HSD17B3: variants seen among roughly 807,000 people sequenced by gnomAD.
The protein encoded by HSD17B3 is 17-beta-hydroxysteroid dehydrogenase type 3.
In HSD17B3, 29 loss-of-function variants were observed where a neutral mutation model predicts 41.1. The ratio of observed to expected loss-of-function variants is 0.71; its 90% CI spans 0.53 to 0.96. The LOEUF is 0.96. HSD17B3 is among the 40% of genes least tolerant of loss of function. The probability of loss-of-function intolerance (pLI) is 0.00; values close to 1 mark genes in which losing one functional copy is unlikely to be tolerated. For missense variants in HSD17B3, 323 were observed against 374.6 expected (o/e 0.86, Z 1.14); for synonymous variants, 126 against 145.6 (o/e 0.87, Z 0.97).
intron 7 of HSD17B3, 28 bp downstream of exon 7, chr9:96,246,528 C>T (rs1268506668): frequency 3.1e-6 from 5 of 1,611,848 alleles, no homozygotes; most frequent in Non-Finnish European, 4.2e-6. Context: ...GGCCATGTTG[C>T]TCCACACTTT....
intron 10 of HSD17B3, among the ~76,000 whole-genome samples, chr9:96,238,943 C>A (rs1191488275): frequency 6.6e-6 from 1 of 152,224 alleles, no homozygotes; most frequent in East Asian, 1.9e-4. Context: ...GTTTTTCCAG[C>A]TTCCTTCAGG....
chr9:96,249,008 C>T (rs1016547642), intron 6 of HSD17B3, among the ~76,000 whole-genome samples: 1 of 151,780 alleles, frequency 6.6e-6, no homozygotes, highest in African/African-American at 2.4e-5. Context: ...CTGGTTCAGG[C>T]GATTCTCCTG....
At chr9:96,244,258 C>T in intron 9 of HSD17B3, 71 bp downstream of exon 9, 1 of 1,471,426 alleles carries the variant, frequency 6.8e-7, no homozygotes, top group Non-Finnish European at 9.5e-7. Context: ...TCCAGAGTAA[C>T]CCTTCTCAAG....
chr9:96,278,936 AC>A (rs533214542), intron 2 of HSD17B3, among the ~76,000 whole-genome samples: 147 of 152,220 alleles, frequency 9.7e-4, no homozygotes, highest in African/African-American at 3.2e-3. Context: ...CAGCTCTCTG[AC>A]CCTTAGGCAG....
At chr9:96,264,932 T>C (rs10820188) in intron 2 of HSD17B3, among the ~76,000 whole-genome samples, 53,515 of 152,180 alleles carry the variant, frequency 0.35, 9,711 homozygotes, top group Non-Finnish European at 0.39. Context: ...AATAGTTTTA[T>C]ATTTTTATGT....
intron 10 of HSD17B3, chr9:96,239,618 C>G (rs146653711): frequency 6.6e-6 from 1 of 152,282 alleles, no homozygotes; most frequent in East Asian, 1.9e-4. Context: ...GACTTTAGCG[C>G]ATGGAGCCAT....
At chr9:96,277,453 T>C (rs1391021268) in intron 2 of HSD17B3, among the ~76,000 whole-genome samples, 2 of 152,152 alleles carry the variant, frequency 1.3e-5, no homozygotes, top group Non-Finnish European at 2.9e-5. Context: ...AAATGGTCAA[T>C]AGGCATATGA....
At chr9:96,261,204 AG>A (rs1421873653) in intron 2 of HSD17B3, among the ~76,000 whole-genome samples, 1 of 29,992 alleles carries the variant, frequency 3.3e-5, no homozygotes, top group Non-Finnish European at 6.9e-5. Flanking sequence ...TTGACGATGG[AG>A]CCTTCTGCTG....
intron 6 of HSD17B3, 26 bp downstream of exon 6, chr9:96,249,725 A>G (rs111599045): frequency 6.2e-7 from 1 of 1,610,986 alleles, no homozygotes. Flanking sequence ...ATGTTAATGC[A>G]TTTCGCACAT....
chr9:96,265,002 A>C lies in HSD17B3; in HGVS notation c.202-10059T>G, dbSNP rs1043432892. 2.0e-5 allele frequency among the ~76,000 whole-genome samples: 3 copies of C among 152,324 alleles called. No individual in the cohort carries two copies. In the East Asian group the frequency reaches 5.8e-4, roughly 29 times the overall value. On this transcript the variant is annotated intron_variant, in intron 2 of 10. Transcript: ENST00000375263. Reference sequence around the variant, plus strand: ...AAAAAAGCAAGCTGATGATTGCTTGAGTTTTTAAAAATTAATATCACCCTA... The same window carrying C: ...AAAAAAGCAAGCTGATGATTGCTTGCGTTTTTAAAAATTAATATCACCCTA...
At chr9:96,252,267 G>A (rs890603670) in intron 4 of HSD17B3, among the ~76,000 whole-genome samples, 2 of 152,076 alleles carry the variant, frequency 1.3e-5, no homozygotes, top group African/African-American at 2.4e-5. Context: ...TGGTCCGGCC[G>A]GGTGCAGTGG....
intron 2 of HSD17B3, among the ~76,000 whole-genome samples, chr9:96,294,693 G>T (rs1419604063): frequency 1.3e-5 from 2 of 152,206 alleles, no homozygotes; most frequent in Non-Finnish European, 2.9e-5. Flanking sequence ...TCCAGGGTGA[G>T]AAATCGTTAT....
intron 2 of HSD17B3, among the ~76,000 whole-genome samples, chr9:96,275,553 C>G (rs1444430314): frequency 2.0e-5 from 3 of 151,414 alleles, no homozygotes; most frequent in Admixed American, 6.6e-5. Flanking sequence ...GCACTGCAGC[C>G]TGGGTGACAG....
intron 2 of HSD17B3, among the ~76,000 whole-genome samples, chr9:96,292,528 C>T (rs979549085): frequency 1.3e-5 from 2 of 151,844 alleles, no homozygotes; most frequent in African/African-American, 2.4e-5. Flanking sequence ...TTGTATTTTC[C>T]GTAGAGACAG....
chr9:96,290,122 T>C (rs1009894840), intron 2 of HSD17B3, among the ~76,000 whole-genome samples: 2 of 152,026 alleles, frequency 1.3e-5, no homozygotes, highest in Non-Finnish European at 2.9e-5. Flanking sequence ...TTCAGAGGTA[T>C]GGAAGAGTGG....
At chr9:96,278,502 T>C (rs1826560280) in intron 2 of HSD17B3, among the ~76,000 whole-genome samples, 1 of 152,130 alleles carries the variant, frequency 6.6e-6, no homozygotes. Flanking sequence ...ATGGCAGTGC[T>C]CTTGAAATGG....
chr9:96,257,462 G>A (rs750268011), intron 2 of HSD17B3, among the ~76,000 whole-genome samples: 2 of 150,420 alleles, frequency 1.3e-5, no homozygotes, highest in African/African-American at 2.5e-5. Flanking sequence ...CTGCATTTAC[G>A]GGCATATATA....
intron 2 of HSD17B3, among the ~76,000 whole-genome samples, chr9:96,256,876 T>C (rs1587735282): frequency 6.6e-6 from 1 of 151,978 alleles, no homozygotes; most frequent in East Asian, 1.9e-4. Context: ...ATCCCCAATG[T>C]TGGAGGTGGG....
At chr9:96,298,645 G>C (rs568763138) in intron 1 of HSD17B3, among the ~76,000 whole-genome samples, 183 bp from the exon 2 acceptor site, 1 of 152,174 alleles carries the variant, frequency 6.6e-6, no homozygotes, top group African/African-American at 2.4e-5. Context: ...GGATTGTTTG[G>C]TTGGTGGGTG....
Sources: gnomAD v4.1 joint callset for allele counts (sites outside exome capture counted in the v4.1 genomes callset) on GRCh38, gnomAD v4.1.1 for gene constraint, MANE v1.5 for transcripts, NCBI Gene and HGNC (gene_info 2026-07-23, HGNC 2026-07-21) for gene names.